Variants in PRKCE observed in about 807,000 individuals in gnomAD.
PRKCE encodes protein kinase C epsilon, also known as protein kinase C epsilon type.
A neutral mutation model predicts 85.4 loss-of-function variants in PRKCE; 16 were observed. That is an observed-to-expected ratio of 0.19 (90% CI 0.13 to 0.28). The LOEUF (loss-of-function observed/expected upper bound fraction) is 0.28. Among genes scored for constraint, PRKCE ranks in the 10% least tolerant of loss-of-function variants. The pLI is 1.00. For synonymous variants in PRKCE, 388 were observed against 371.5 expected, an observed-to-expected ratio of 1.04 and a Z score of -0.51; for missense variants, 573 against 975.2, an observed-to-expected ratio of 0.59 and a Z score of 5.49.
intron 1 of PRKCE, among the ~76,000 whole-genome samples, chr2:45,841,943 T>A (rs564418613): frequency 6.6e-6 from 1 of 152,354 alleles, no homozygotes; most frequent in South Asian, 2.1e-4. Flanking sequence ...CCTCAAGATA[T>A]TCACAGCTTG....
chr2:46,167,582 G>A (rs919134075), intron 14 of PRKCE, among the ~76,000 whole-genome samples: 20 of 152,306 alleles, frequency 1.3e-4, no homozygotes, highest in Non-Finnish European at 2.2e-4. Context: ...ATGCTGAGGC[G>A]CCTGCAGGGG....
At chr2:45,960,433 A>G (rs1300091833) in intron 2 of PRKCE, among the ~76,000 whole-genome samples, 1 of 152,218 alleles carries the variant, frequency 6.6e-6, no homozygotes, top group Non-Finnish European at 1.5e-5. Flanking sequence ...CATGGAAGAC[A>G]GTTTTTCCAC....
At chr2:46,029,411 T>C (rs1026017503) in intron 10 of PRKCE, among the ~76,000 whole-genome samples, 1 of 152,160 alleles carries the variant, frequency 6.6e-6, no homozygotes, top group Non-Finnish European at 1.5e-5. Context: ...GATAAGCACA[T>C]TGAGGTTTGG....
chr2:46,037,090 C>T (rs1707911526), intron 10 of PRKCE, among the ~76,000 whole-genome samples: 2 of 152,158 alleles, frequency 1.3e-5, no homozygotes, highest in Non-Finnish European at 2.9e-5. Flanking sequence ...TTTGCTGACT[C>T]AGATTTTCCT....
intron 14 of PRKCE, among the ~76,000 whole-genome samples, chr2:46,166,223 C>A (rs1678327733): frequency 6.6e-6 from 1 of 152,224 alleles, no homozygotes; most frequent in African/African-American, 2.4e-5. Flanking sequence ...AACAGGCAGC[C>A]CCTTCCCCTG....
At chr2:45,914,172 A>G (rs1446001186) in intron 2 of PRKCE, among the ~76,000 whole-genome samples, 1 of 152,272 alleles carries the variant, frequency 6.6e-6, no homozygotes, top group East Asian at 1.9e-4. Context: ...GCTAGGTGCT[A>G]TGAAGGCATT....
rs779969101 is a variant in PRKCE at position 46,014,560 on chromosome 2, G to A, written c.1437+4043G>A. On this transcript the variant is annotated intron_variant, in intron 10 of 14. Coordinates refer to ENST00000306156, the MANE Select transcript of PRKCE (RefSeq NM_005400.3). ...TAGTGTTTAATATTTTCTTGCATATGAGAAAAAAAATTTTTTATACATCCA... is the reference window on the plus strand; with the variant it reads ...TAGTGTTTAATATTTTCTTGCATATAAGAAAAAAAATTTTTTATACATCCA... Among the ~76,000 whole-genome samples, 28 of 152,146 alleles carry A rather than the reference G, an allele frequency of 1.8e-4. 1 individual carries two copies. In the Middle Eastern group the frequency reaches 0.014, roughly 74 times the overall value.
chr2:45,864,131 C>T (rs1488153289), intron 2 of PRKCE, among the ~76,000 whole-genome samples: 2 of 152,144 alleles, frequency 1.3e-5, no homozygotes, highest in Non-Finnish European at 2.9e-5. Context: ...GGTGTGAATC[C>T]TTCTACCCCT....
At chr2:45,955,000 C>A (rs1435489664) in intron 2 of PRKCE, among the ~76,000 whole-genome samples, 1 of 152,028 alleles carries the variant, frequency 6.6e-6, no homozygotes, top group Non-Finnish European at 1.5e-5. Flanking sequence ...AAGAAGCATG[C>A]AAAATAAATC....
chr2:46,056,988 G>A (rs1666643734), intron 10 of PRKCE, among the ~76,000 whole-genome samples: 1 of 152,132 alleles, frequency 6.6e-6, no homozygotes, highest in African/African-American at 2.4e-5. Context: ...TGGCTACAGA[G>A]GGTTTGAACA....
intron 1 of PRKCE, among the ~76,000 whole-genome samples, chr2:45,734,611 C>T (rs1031613545): frequency 4.6e-5 from 7 of 152,182 alleles, no homozygotes; most frequent in African/African-American, 1.4e-4. Context: ...GTGTGTTCTC[C>T]GCCTTCCTGG....
intron 10 of PRKCE, among the ~76,000 whole-genome samples, chr2:46,016,132 T>A (rs1706122401): frequency 6.6e-6 from 1 of 152,122 alleles, no homozygotes; most frequent in South Asian, 2.1e-4. Context: ...CTGAAGACCA[T>A]CTTTGCTTGA....
At chr2:45,953,670 TGCTTTAAACACTG>T (rs1700781044) in intron 2 of PRKCE, among the ~76,000 whole-genome samples, 1 of 152,240 alleles carries the variant, frequency 6.6e-6, no homozygotes, top group Admixed American at 6.5e-5. Flanking sequence ...TTGCTGTCAC[TGCTTTAAACACTG>T]GCTGCACATT....
intron 1 of PRKCE, among the ~76,000 whole-genome samples, chr2:45,808,666 G>A (rs1047145772): frequency 3.3e-5 from 5 of 152,148 alleles, no homozygotes; most frequent in Admixed American, 2.0e-4. Context: ...GTCTCTGCAC[G>A]TGACCCTGCT....
chr2:45,852,970 G>A (rs546037379), intron 2 of PRKCE, among the ~76,000 whole-genome samples: 3 of 152,282 alleles, frequency 2.0e-5, no homozygotes, highest in East Asian at 1.9e-4. Flanking sequence ...TCCCTGAACC[G>A]CACTTGGAGT....
intron 2 of PRKCE, among the ~76,000 whole-genome samples, chr2:45,944,655 A>ATTTT (rs71394861): frequency 0.3 from 22,255 of 74,764 alleles, 5,347 homozygotes; most frequent in Non-Finnish European, 0.35. Flanking sequence ...TACCCGGCTA[A>ATTTT]TTTTTTTTTT....
intron 1 of PRKCE, among the ~76,000 whole-genome samples, chr2:45,818,029 A>G (rs1218470949): frequency 6.6e-6 from 1 of 152,206 alleles, no homozygotes; most frequent in Non-Finnish European, 1.5e-5. Flanking sequence ...TTCGATCCTT[A>G]GAGTATGACC....
intron 1 of PRKCE, among the ~76,000 whole-genome samples, chr2:45,811,447 T>C (rs1188331609): frequency 6.6e-6 from 1 of 152,210 alleles, no homozygotes; most frequent in Non-Finnish European, 1.5e-5. Context: ...TGTGAATCCA[T>C]AGATTCTTAT....
intron 4 of PRKCE, 69 bp from the exon 5 acceptor site, chr2:45,980,227 G>A: frequency 6.7e-7 from 1 of 1,497,500 alleles, no homozygotes; most frequent in Non-Finnish European, 9.2e-7. Flanking sequence ...ACCAAGCCCT[G>A]AATAGATCCT....
Sources: allele counts gnomAD v4.1 joint callset (sites outside exome capture counted in the v4.1 genomes callset), GRCh38; gene constraint gnomAD v4.1.1; transcripts MANE v1.5; gene names NCBI Gene and HGNC (gene_info 2026-07-23, HGNC 2026-07-21).